Variants in ARFIP1 observed in about 807,000 individuals in gnomAD.
The protein encoded by ARFIP1 is arfaptin-1.
In ARFIP1, 24 loss-of-function variants were observed where a neutral mutation model predicts 42.5. The ratio of observed to expected loss-of-function variants is 0.57; its 90% CI spans 0.41 to 0.80. ARFIP1 has a LOEUF of 0.80. ARFIP1 is among the 30% of genes least tolerant of loss of function. The probability of loss-of-function intolerance (pLI) is 0.00; values close to 1 mark genes in which losing one functional copy is unlikely to be tolerated. For synonymous variants in ARFIP1, 141 were observed against 153.7 expected (o/e 0.92, Z 0.61); for missense variants, 354 against 434.0 (o/e 0.82, Z 1.64).
intron 1 of ARFIP1, among the ~76,000 whole-genome samples, chr4:152,816,838 T>C (rs971314658): frequency 6.6e-6 from 1 of 152,226 alleles, no homozygotes; most frequent in African/African-American, 2.4e-5. Context: ...ATATGACTCT[T>C]TTTCCACTCT....
At position 152,911,662 on chromosome 4, in the gene ARFIP1, A is replaced by G. The variant is rs1485844206; in HGVS notation, c.*1443A>G. On this transcript the variant is annotated 3_prime_UTR_variant, in exon 9 of 9. Coordinates refer to ENST00000353617, the MANE Select transcript of ARFIP1 (RefSeq NM_001025595.3). ...ATACATGAACTTTGTGGACTGTAAG[A>G]TTTGTTATATATGTTCAAATGCCTT... The G allele has an allele frequency of 1.3e-5, 2 of 152,586 alleles. No homozygotes were observed. The highest frequency in any genetic ancestry group is 2.4e-5 in the African/African-American group (1 of 41,452). 9.5% of individuals were successfully genotyped at this position (152,586 alleles called of 1,614,324 possible). A position where few individuals can be genotyped will look rare whatever the true frequency, so the allele number is the denominator to read the frequency against.
At chr4:152,906,973 C>T (rs1467588032) in intron 8 of ARFIP1, among the ~76,000 whole-genome samples, 3 of 152,256 alleles carry the variant, frequency 2.0e-5, no homozygotes, top group African/African-American at 7.2e-5. Context: ...CTCAATGAGC[C>T]CTTCCTATTT....
chr4:152,822,653 C>T (rs1282891672), intron 1 of ARFIP1, among the ~76,000 whole-genome samples: 1 of 152,220 alleles, frequency 6.6e-6, no homozygotes, highest in East Asian at 1.9e-4. Flanking sequence ...AGGTATATCA[C>T]ATGATAGGCC....
intron 8 of ARFIP1, among the ~76,000 whole-genome samples, chr4:152,888,711 T>C (rs1736474483): frequency 6.6e-6 from 1 of 152,120 alleles, no homozygotes; most frequent in South Asian, 2.1e-4. Flanking sequence ...GAAAAATAGC[T>C]AAAAGGTCCA....
chr4:152,877,839 T>G (rs1735495022), intron 5 of ARFIP1, among the ~76,000 whole-genome samples: 1 of 152,188 alleles, frequency 6.6e-6, no homozygotes, highest in Non-Finnish European at 1.5e-5. Context: ...CGATTTTGCT[T>G]CTTTCTTATT....
chr4:152,838,010 C>T (rs1470766504), intron 2 of ARFIP1, among the ~76,000 whole-genome samples: 1 of 152,146 alleles, frequency 6.6e-6, no homozygotes, highest in East Asian at 1.9e-4. Context: ...GCCAATTATC[C>T]CAGCACCATT....
chr4:152,783,672 T>C (rs1054476133), intron 1 of ARFIP1, among the ~76,000 whole-genome samples: 5 of 152,358 alleles, frequency 3.3e-5, no homozygotes, highest in East Asian at 1.9e-4. Context: ...GTTGGAGATA[T>C]ATCACCTGAC....
chr4:152,867,156 G>A (rs1244352139), intron 3 of ARFIP1, among the ~76,000 whole-genome samples: 1 of 152,178 alleles, frequency 6.6e-6, no homozygotes, highest in Non-Finnish European at 1.5e-5. Context: ...GCTGGGAGGT[G>A]GAGGTTGTAG....
At chr4:152,877,891 G>A (rs1028540495) in intron 5 of ARFIP1, among the ~76,000 whole-genome samples, 4 of 152,052 alleles carry the variant, frequency 2.6e-5, no homozygotes, top group East Asian at 1.9e-4. Flanking sequence ...TTTGCCTCCC[G>A]CTATGATTCT....
chr4:152,873,164 T>C lies in ARFIP1; in HGVS notation c.411+600T>C, dbSNP rs556129461. Among the ~76,000 whole-genome samples the C allele has an allele frequency of 3.3e-5, 5 of 152,336 alleles. No homozygotes were observed. In the South Asian group the frequency reaches 1.0e-3, roughly 32 times the overall value. On this transcript the variant is annotated intron_variant, in intron 5 of 8. Coordinates refer to ENST00000353617, the MANE Select transcript of ARFIP1 (RefSeq NM_001025595.3). ...CAACCCCCAAATCCACTTAGTACCT[T>C]TTGAATTTTAACAGGGACAAGACTG... is the stretch of plus-strand genomic sequence containing the variant.
intron 4 of ARFIP1, 115 bp from the exon 5 acceptor site, chr4:152,872,337 C>T: frequency 1.5e-6 from 1 of 682,778 alleles, no homozygotes; most frequent in Non-Finnish European, 2.5e-6. Flanking sequence ...TTGTGGGAAC[C>T]TTTTTTTCTT....
chr4:152,875,312 T>C (rs929579504), intron 5 of ARFIP1, among the ~76,000 whole-genome samples: 6 of 151,430 alleles, frequency 4.0e-5, no homozygotes, highest in African/African-American at 1.5e-4. Flanking sequence ...ATGGTTTACT[T>C]AAGTTTTTGA....
At chr4:152,827,342 A>G (rs997027709) in intron 1 of ARFIP1, among the ~76,000 whole-genome samples, 1 of 152,218 alleles carries the variant, frequency 6.6e-6, no homozygotes, top group Non-Finnish European at 1.5e-5. Context: ...GCCTGTTCCC[A>G]TACATGCACA....
intron 8 of ARFIP1, among the ~76,000 whole-genome samples, chr4:152,900,905 C>T (rs1176749241): frequency 6.6e-6 from 1 of 152,162 alleles, no homozygotes; most frequent in Non-Finnish European, 1.5e-5. Flanking sequence ...AATATAAACC[C>T]CTATTTCATA....
At chr4:152,837,726 G>C (rs181768051) in intron 2 of ARFIP1, among the ~76,000 whole-genome samples, 1 of 152,302 alleles carries the variant, frequency 6.6e-6, no homozygotes, top group East Asian at 1.9e-4. Context: ...CACTCTGTGG[G>C]TTGTCTGTTT....
chr4:152,898,559 G>A (rs1417097259), intron 8 of ARFIP1, among the ~76,000 whole-genome samples: 3 of 151,922 alleles, frequency 2.0e-5, no homozygotes, highest in Non-Finnish European at 1.5e-5. Flanking sequence ...TACTATATAA[G>A]GTATTATCAC....
chr4:152,835,874 G>GGT (rs1406123466), intron 2 of ARFIP1, among the ~76,000 whole-genome samples: 1 of 152,192 alleles, frequency 6.6e-6, no homozygotes, highest in Non-Finnish European at 1.5e-5. Context: ...ATAAGTGGTA[G>GGT]GTAAAAGGGG....
chr4:152,859,977 C>T (rs541149987), intron 2 of ARFIP1, among the ~76,000 whole-genome samples: 1 of 151,652 alleles, frequency 6.6e-6, no homozygotes, highest in South Asian at 2.1e-4. Flanking sequence ...CTTTGTCACT[C>T]AAAAAATAAA....
At chr4:152,835,360 C>G (rs1257460377) in intron 2 of ARFIP1, among the ~76,000 whole-genome samples, 1 of 152,212 alleles carries the variant, frequency 6.6e-6, no homozygotes, top group African/African-American at 2.4e-5. Flanking sequence ...GCCAGATAAC[C>G]TAATTTGTCA....
Sources: gnomAD v4.1 joint callset for allele counts (sites outside exome capture counted in the v4.1 genomes callset) on GRCh38, gnomAD v4.1.1 for gene constraint, MANE v1.5 for transcripts, NCBI Gene and HGNC (gene_info 2026-07-23, HGNC 2026-07-21) for gene names.